The following CSNK1A1 variants were observed in gnomAD, a reference collection of about 807,000 sequenced individuals.
CSNK1A1 encodes the protein casein kinase 1 alpha 1, also known as casein kinase I isoform alpha.
In CSNK1A1, 7 loss-of-function variants were observed where a neutral mutation model predicts 46.1. The observed-to-expected ratio is 0.15, with a 90% CI of 0.09 to 0.29. The LOEUF is 0.29. Ranked by LOEUF, CSNK1A1 falls within the 10% of genes least tolerant of loss-of-function variation. The probability of loss-of-function intolerance (pLI) is 1.00; values close to 1 mark genes in which losing one functional copy is unlikely to be tolerated. For missense variants in CSNK1A1, 96 were observed against 417.1 expected (o/e 0.23, Z 6.71); for synonymous variants, 137 against 141.5 (o/e 0.97, Z 0.23).
At chr5:149,542,159 TTC>T (rs950743393) in intron 2 of CSNK1A1, among the ~76,000 whole-genome samples, 7 of 151,814 alleles carry the variant, frequency 4.6e-5, no homozygotes, top group African/African-American at 1.7e-4. Context: ...CAGAATTAGA[TTC>T]TCATAGGAAC....
chr5:149,498,849 C>T, intron 9 of CSNK1A1: 1 of 985,256 alleles, frequency 1.0e-6, no homozygotes, highest in Non-Finnish European at 1.2e-6. Context: ...TACAAGGAAA[C>T]TCTTGTGCCT....
intron 9 of CSNK1A1, chr5:149,497,732 T>C (rs995976961): frequency 1.6e-4 from 156 of 985,378 alleles, no homozygotes; most frequent in Non-Finnish European, 1.8e-4. Flanking sequence ...TCCTTACAAA[T>C]GAGCTAGAAA....
chr5:149,539,388 C>T (rs960292255), intron 2 of CSNK1A1, among the ~76,000 whole-genome samples: 1 of 151,618 alleles, frequency 6.6e-6, no homozygotes, highest in African/African-American at 2.4e-5. Flanking sequence ...ATCACTGGAG[C>T]CCAGGAGTTC....
intron 5 of CSNK1A1, among the ~76,000 whole-genome samples, chr5:149,512,416 C>A (rs143709590): frequency 1.8e-4 from 27 of 152,118 alleles, no homozygotes; most frequent in African/African-American, 2.4e-4. Context: ...ATTTCTTAAG[C>A]CTGAAATTCT....
intron 2 of CSNK1A1, among the ~76,000 whole-genome samples, chr5:149,546,855 T>G (rs771054179): frequency 6.6e-6 from 1 of 152,200 alleles, no homozygotes; most frequent in Non-Finnish European, 1.5e-5. Flanking sequence ...GTATGTACCA[T>G]GTATAGGTGA....
Position 149,550,210 on chromosome 5 carries a change from C to T in CSNK1A1, c.124-29G>A. 1 of 1,609,976 alleles carries T rather than the reference C, an allele frequency of 6.2e-7. No individual in the cohort carries two copies. On this transcript the variant is annotated intron_variant, in intron 1 of 9. Transcript: ENST00000377843. This position sits in a 1 kb window ranked among gnomAD's most constrained non-coding sequence, Gnocchi z 4.3. ...CAGGGGAAAGAGGGGATGATGGCAT[C>T]AACATCCCTACGGATTCAATGTCAC... is the stretch of plus-strand genomic sequence containing the variant.
chr5:149,548,295 G>A (rs913584711), intron 2 of CSNK1A1, among the ~76,000 whole-genome samples: 4 of 152,296 alleles, frequency 2.6e-5, no homozygotes, highest in South Asian at 2.1e-4. Context: ...GGCTGGGCCC[G>A]GTGGCTCACG....
intron 9 of CSNK1A1, chr5:149,503,750 C>T: frequency 1.0e-6 from 1 of 985,246 alleles, no homozygotes; most frequent in Non-Finnish European, 1.2e-6. Flanking sequence ...GAATAAGAGA[C>T]ACACAGTAAA....
Position 149,550,799 on chromosome 5 carries a change from G to A in CSNK1A1, c.123+43C>T. On this transcript the variant is annotated intron_variant, in intron 1 of 9. Coordinates refer to ENST00000377843, the MANE Select transcript of CSNK1A1 (RefSeq NM_001892.6). The surrounding 1 kb of genome is among the most constrained non-coding windows in gnomAD (Gnocchi z 4.3). ...TGCACGGTGGTGGTGGGGGGAATGA[G>A]TAAAAGCGCAGCGTTATCGTGAACC... 6.2e-7 allele frequency: 1 copy of A among 1,613,122 alleles called. No homozygotes were observed.
At chr5:149,521,984 T>C (rs1014767717) in intron 3 of CSNK1A1, among the ~76,000 whole-genome samples, 5 of 152,252 alleles carry the variant, frequency 3.3e-5, no homozygotes, top group Non-Finnish European at 5.9e-5. Flanking sequence ...TATTGTCTTC[T>C]TGTTAGCTTT....
At chr5:149,523,679 G>GT (rs1414581275) in intron 3 of CSNK1A1, among the ~76,000 whole-genome samples, 1 of 152,150 alleles carries the variant, frequency 6.6e-6, no homozygotes, top group Non-Finnish European at 1.5e-5. Context: ...TATAGACAAA[G>GT]TTTTTTCATT....
chr5:149,500,812 A>C (rs1254736615), intron 9 of CSNK1A1, among the ~76,000 whole-genome samples: 2 of 141,042 alleles, frequency 1.4e-5, no homozygotes, highest in Admixed American at 1.4e-4. Flanking sequence ...AGAATAATTA[A>C]AAAAAAAAAA....
At chr5:149,530,958 T>A in intron 2 of CSNK1A1, among the ~76,000 whole-genome samples, 1 of 2,164 alleles carries the variant, frequency 4.6e-4, no homozygotes, top group African/African-American at 4.2e-3. Context: ...AAAGCGAGAC[T>A]CTGTCTCAAA....
At chr5:149,496,912 T>C in intron 9 of CSNK1A1, 52 bp from the exon 10 acceptor site, 5 of 1,526,914 alleles carry the variant, frequency 3.3e-6, no homozygotes, top group Admixed American at 2.1e-5. Context: ...TCAAAAATTT[T>C]AAATTACACC....
rs61707983 is a variant in CSNK1A1 at position 149,502,520 on chromosome 5, T to TGGGG, written c.1006+2923_1006+2926dup. The TGGGG allele has an allele frequency of 1.7e-3, 37 of 21,922 alleles. 3 individuals are homozygous for TGGGG. Among genetic ancestry groups the TGGGG allele is most frequent in the South Asian group, 2.9e-3 (1 of 348 alleles). 1.4% of individuals were successfully genotyped at this position (21,922 alleles called of 1,614,324 possible). ...TACTGCGCCTGGCGCTTTTTTTTTTTGGGGGGGGGGGGGTTGGGGACGATG... is the reference window on the plus strand; with the variant it reads ...TACTGCGCCTGGCGCTTTTTTTTTTTGGGGGGGGGGGGGGGGGTTGGGGACGATG... On this transcript the variant is annotated intron_variant, in intron 9 of 9. Coordinates refer to ENST00000377843, the MANE Select transcript of CSNK1A1 (RefSeq NM_001892.6).
intron 2 of CSNK1A1, among the ~76,000 whole-genome samples, chr5:149,534,207 C>T (rs1434513700): frequency 3.3e-5 from 5 of 151,996 alleles, no homozygotes; most frequent in Non-Finnish European, 5.9e-5. Context: ...TCTGGCCAGG[C>T]GCGGTGGCTC....
chr5:149,549,767 A>G (rs1762597432), intron 2 of CSNK1A1, among the ~76,000 whole-genome samples: 1 of 152,240 alleles, frequency 6.6e-6, no homozygotes, highest in Admixed American at 6.5e-5. Context: ...GCCGCCGTAA[A>G]AAAGGCAGCA....
intron 2 of CSNK1A1, among the ~76,000 whole-genome samples, chr5:149,542,590 A>ATT (rs1485220750): frequency 6.9e-5 from 3 of 43,498 alleles, no homozygotes; most frequent in East Asian, 6.2e-4. Context: ...TGAGATACAA[A>ATT]TTTATATATA....
intron 4 of CSNK1A1, among the ~76,000 whole-genome samples, chr5:149,519,564 T>C (rs1271013461): frequency 6.6e-6 from 1 of 152,186 alleles, no homozygotes; most frequent in African/African-American, 2.4e-5. Context: ...AGTTTCTAAC[T>C]GCAATCATGC....
Sources: allele counts gnomAD v4.1 joint callset (sites outside exome capture counted in the v4.1 genomes callset), GRCh38; gene constraint gnomAD v4.1.1; non-coding constraint Gnocchi (gnomAD v3.1); transcripts MANE v1.5; gene names NCBI Gene and HGNC (gene_info 2026-07-23, HGNC 2026-07-21).